MAD1L1: variants seen among roughly 807,000 people sequenced by gnomAD.
MAD1L1 encodes mitotic spindle assembly checkpoint protein MAD1.
A neutral mutation model predicts 96.9 loss-of-function variants in MAD1L1; 95 were observed. The observed-to-expected ratio is 0.98, with a 90% CI of 0.83 to 1.16. The LOEUF (loss-of-function observed/expected upper bound fraction) is 1.16, where lower values mean the gene tolerates loss of function less well. Ranked by LOEUF, MAD1L1 falls within the 50% of genes most tolerant of loss-of-function variation. The pLI, the probability that MAD1L1 is intolerant of heterozygous loss-of-function variation, is 0.00. For synonymous variants in MAD1L1, 473 were observed against 396.6 expected, an observed-to-expected ratio of 1.19 and a Z score of -2.29; for missense variants, 1,007 against 954.4, an observed-to-expected ratio of 1.06 and a Z score of -0.73.
At chr7:2,186,695 C>T (rs917819043) in intron 10 of MAD1L1, among the ~76,000 whole-genome samples, 3 of 152,204 alleles carry the variant, frequency 2.0e-5, no homozygotes, top group Non-Finnish European at 1.5e-5. Flanking sequence ...AGCCTCTTCT[C>T]GCCTTGAGGG....
chr7:2,187,168 C>A (rs1434478145), intron 10 of MAD1L1, among the ~76,000 whole-genome samples: 1 of 151,780 alleles, frequency 6.6e-6, no homozygotes, highest in East Asian at 2.0e-4. Flanking sequence ...GCCAACATGA[C>A]AAAACCTCAT....
At chr7:2,208,849 C>T (rs553451136) in intron 10 of MAD1L1, among the ~76,000 whole-genome samples, 11 of 152,138 alleles carry the variant, frequency 7.2e-5, no homozygotes, top group East Asian at 3.9e-4. Flanking sequence ...TTTCCTCACC[C>T]GTAAGTCACT....
intron 18 of MAD1L1, chr7:1,838,469 T>C: frequency 3.6e-6 from 1 of 278,424 alleles, no homozygotes; most frequent in Admixed American, 4.2e-5. Flanking sequence ...AACCATGGTC[T>C]ATCCACACAC....
Position 1,971,639 on chromosome 7 carries a change from G to A in MAD1L1, c.1505+8814C>T, listed in dbSNP as rs570540434. Among the ~76,000 whole-genome samples, 8 of 152,126 alleles carry A rather than the reference G, an allele frequency of 5.3e-5. 1 individual carries two copies. The South Asian group carries it at 1.2e-3, about 24-fold the overall frequency. On this transcript the variant is annotated intron_variant, in intron 15 of 18. Coordinates refer to ENST00000265854, the MANE Select transcript of MAD1L1 (RefSeq NM_001013836.2). Reference sequence around the variant, plus strand: ...TAAGTGTAATCTCTCTCAAAATCCCGGTAAAACAAGGGTAAAGGTTTTGCT... The same window carrying A: ...TAAGTGTAATCTCTCTCAAAATCCCAGTAAAACAAGGGTAAAGGTTTTGCT...
In MAD1L1 at chr7:2,103,163, C is replaced by T. The variant is rs1786904517; in HGVS notation, c.1074-33825G>A. ...CCTGGAACGGGCTCTCTCCCCTGCCCCTGCACCCTACAAAGGGGCAGCTCC... is the reference window on the plus strand; with the variant it reads ...CCTGGAACGGGCTCTCTCCCCTGCCTCTGCACCCTACAAAGGGGCAGCTCC... On this transcript the variant is annotated intron_variant, in intron 11 of 18. Transcript: ENST00000265854. This position sits in a 1 kb window ranked among gnomAD's most constrained non-coding sequence, Gnocchi z 4.3. Among the ~76,000 whole-genome samples the T allele has an allele frequency of 6.6e-6, 1 of 152,178 alleles. No individual in the cohort carries two copies. The highest frequency in any genetic ancestry group is 6.5e-5 in the Admixed American group (1 of 15,280).
At chr7:1,924,866 C>A (rs1441248094) in intron 17 of MAD1L1, among the ~76,000 whole-genome samples, 2 of 151,978 alleles carry the variant, frequency 1.3e-5, no homozygotes, top group Non-Finnish European at 2.9e-5. Context: ...GACGTTTCCA[C>A]CTGAAATGAT....
chr7:1,838,580 G>C (rs533882890), intron 18 of MAD1L1: 16 of 358,236 alleles, frequency 4.5e-5, no homozygotes, highest in Non-Finnish European at 7.0e-5. Context: ...CCAGATGCCA[G>C]AGACCACTCG....
intron 10 of MAD1L1, among the ~76,000 whole-genome samples, chr7:2,190,207 A>G (rs1489063457): frequency 6.6e-6 from 1 of 152,220 alleles, no homozygotes; most frequent in East Asian, 1.9e-4. Flanking sequence ...GAAAGGACAG[A>G]CACATGATTC....
chr7:1,985,445 C>A (rs932362896), intron 14 of MAD1L1, among the ~76,000 whole-genome samples: 1 of 126,170 alleles, frequency 7.9e-6, no homozygotes, highest in Non-Finnish European at 1.7e-5. Flanking sequence ...TGGCCAAGAG[C>A]GAGGGCCTCA....
intron 3 of MAD1L1, among the ~76,000 whole-genome samples, chr7:2,229,326 G>A (rs1007181108): frequency 1.3e-5 from 2 of 152,104 alleles, no homozygotes; most frequent in African/African-American, 4.8e-5. Context: ...CCTACAACTT[G>A]GGGGCCCCAT....
intron 18 of MAD1L1, among the ~76,000 whole-genome samples, chr7:1,870,607 C>T (rs1785014258): frequency 6.7e-6 from 1 of 149,570 alleles, no homozygotes; most frequent in Non-Finnish European, 1.5e-5. Context: ...GTAACACCTG[C>T]CACGCTGAAC....
intron 14 of MAD1L1, among the ~76,000 whole-genome samples, chr7:1,985,123 C>T (rs891838045): frequency 6.6e-6 from 1 of 152,222 alleles, no homozygotes; most frequent in Non-Finnish European, 1.5e-5. Flanking sequence ...GATCAAAACA[C>T]TTTCTGGGTG....
At chr7:1,858,242 G>A (rs755825632) in intron 18 of MAD1L1, among the ~76,000 whole-genome samples, 24 of 152,214 alleles carry the variant, frequency 1.6e-4, no homozygotes, top group Non-Finnish European at 1.2e-4. Flanking sequence ...TCCCCTGCTC[G>A]CCACAACCAG....
At chr7:1,946,478 T>C (rs1779234160) in intron 16 of MAD1L1, among the ~76,000 whole-genome samples, 1 of 152,246 alleles carries the variant, frequency 6.6e-6, no homozygotes, top group Admixed American at 6.5e-5. Context: ...TTTGTTGCCT[T>C]GTTTGATTCA....
At chr7:1,964,044 A>T (rs1780059367) in intron 15 of MAD1L1, among the ~76,000 whole-genome samples, 1 of 152,104 alleles carries the variant, frequency 6.6e-6, no homozygotes, top group African/African-American at 2.4e-5. Flanking sequence ...AGTAAAGGGG[A>T]GACTGAGGCT....
intron 11 of MAD1L1, among the ~76,000 whole-genome samples, chr7:2,116,299 A>G (rs986128347): frequency 6.6e-6 from 1 of 152,208 alleles, no homozygotes; most frequent in African/African-American, 2.4e-5. Flanking sequence ...GAGGACGAAC[A>G]AGACTCAGGC....
At chr7:2,203,451 C>T (rs529530796) in intron 10 of MAD1L1, among the ~76,000 whole-genome samples, 5 of 152,336 alleles carry the variant, frequency 3.3e-5, no homozygotes, top group South Asian at 4.1e-4. Context: ...TTCGGGAGGG[C>T]GGTGTGGCAC....
At chr7:2,010,052 C>CTGCA (rs1185735467) in intron 13 of MAD1L1, among the ~76,000 whole-genome samples, 1 of 148,524 alleles carries the variant, frequency 6.7e-6, no homozygotes, top group African/African-American at 2.5e-5. Flanking sequence ...CTTTTCTTCA[C>CTGCA]TGCATGATTT....
chr7:2,052,712 G>A (rs765948916), intron 12 of MAD1L1, among the ~76,000 whole-genome samples: 3 of 152,318 alleles, frequency 2.0e-5, no homozygotes, highest in African/African-American at 7.2e-5. Context: ...TTATAAAGGG[G>A]TACACCATCA....
Sources: allele counts gnomAD v4.1 joint callset (sites outside exome capture counted in the v4.1 genomes callset), GRCh38; gene constraint gnomAD v4.1.1; non-coding constraint Gnocchi (gnomAD v3.1); transcripts MANE v1.5; gene names NCBI Gene and HGNC (gene_info 2026-07-23, HGNC 2026-07-21).